The following NFIA variants were observed in gnomAD, a reference collection of about 807,000 sequenced individuals.
NFIA encodes the protein nuclear factor 1 A-type.
In NFIA, 8 loss-of-function variants were observed where a neutral mutation model predicts 62.8. The ratio of observed to expected loss-of-function variants is 0.13; its 90% CI spans 0.07 to 0.23. NFIA has a LOEUF of 0.23. NFIA is among the 10% of genes least tolerant of loss of function. The pLI, the probability that NFIA is intolerant of heterozygous loss-of-function variation, is 1.00. For missense variants in NFIA, 410 were observed against 642.1 expected (o/e 0.64, Z 3.91); for synonymous variants, 235 against 238.1 (o/e 0.99, Z 0.12).
chr1:61,123,236 A>G (rs1646916698), intron 2 of NFIA, among the ~76,000 whole-genome samples: 1 of 152,214 alleles, frequency 6.6e-6, no homozygotes, highest in Non-Finnish European at 1.5e-5. Context: ...GGAAACCTGC[A>G]TAGTGAGGCT....
rs569591146 is a variant in NFIA at position 61,334,320 on chromosome 1, T to C, written c.700+1734T>C. 2.6e-5 allele frequency among the ~76,000 whole-genome samples: 4 copies of C among 152,004 alleles called. No homozygotes were observed. In the East Asian group the frequency reaches 5.8e-4, roughly 22 times the overall value. On this transcript the variant is annotated intron_variant, in intron 4 of 10. Coordinates refer to ENST00000403491, the MANE Select transcript of NFIA (RefSeq NM_001134673.4). ...GTACTTAAAGTACCAACCGGTTAAG[T>C]AGACACTACATTGCCTTGTTAAGCT...
chr1:61,415,302 A>C (rs1012888575), intron 9 of NFIA, among the ~76,000 whole-genome samples: 1 of 152,198 alleles, frequency 6.6e-6, no homozygotes, highest in African/African-American at 2.4e-5. Context: ...ATACTATTGG[A>C]GTAAAGAAGG....
upstream of NFIA, chr1:61,077,446 TA>T (rs999345708): frequency 8.2e-3 from 3,408 of 414,250 alleles, no homozygotes; most frequent in South Asian, 0.011. Flanking sequence ...GATTTGGAGT[TA>T]AAAAAAAAAT....
intron 2 of NFIA, among the ~76,000 whole-genome samples, chr1:61,155,130 TATCATC>T (rs1269199144): frequency 6.6e-6 from 1 of 152,208 alleles, no homozygotes. Context: ...ACAAAGGATT[TATCATC>T]ATATTGGTTA....
intron 2 of NFIA, among the ~76,000 whole-genome samples, chr1:61,188,354 G>A (rs184369592): frequency 2.8e-4 from 42 of 152,134 alleles, no homozygotes; most frequent in Non-Finnish European, 1.3e-4. Context: ...TAGCCCCTCC[G>A]AGCTCAACAA....
At chr1:61,446,569 G>A (rs1253172895) in intron 10 of NFIA, among the ~76,000 whole-genome samples, 4 of 152,206 alleles carry the variant, frequency 2.6e-5, no homozygotes, top group Non-Finnish European at 4.4e-5. Context: ...GGGCTTGAGC[G>A]TGGAAGTGCC....
intron 2 of NFIA, among the ~76,000 whole-genome samples, chr1:61,196,775 A>G (rs1234660278): frequency 6.6e-6 from 1 of 152,174 alleles, no homozygotes; most frequent in East Asian, 1.9e-4. Context: ...TTTTGTTGAT[A>G]TCCAAAAATT....
chr1:61,200,066 A>ACGTATATATATG (rs1652363091), intron 2 of NFIA, among the ~76,000 whole-genome samples: 1 of 46,206 alleles, frequency 2.2e-5, no homozygotes, highest in African/African-American at 1.0e-4. Flanking sequence ...ATATATATAT[A>ACGTATATATATG]TGTATGTATG....
intron 2 of NFIA, among the ~76,000 whole-genome samples, chr1:61,204,868 CT>C (rs5774545): frequency 6.6e-6 from 1 of 152,032 alleles, no homozygotes; most frequent in East Asian, 1.9e-4. Context: ...TTAGGTAGAG[CT>C]TTTTTCTCTA....
chr1:61,245,357 ATAAAG>A (rs1335441417), intron 2 of NFIA, among the ~76,000 whole-genome samples: 1 of 152,200 alleles, frequency 6.6e-6, no homozygotes, highest in Non-Finnish European at 1.5e-5. Context: ...TTCCATAAAT[ATAAAG>A]TAAATTTTCA....
At chr1:61,411,391 C>T (rs1176195378) in intron 9 of NFIA, among the ~76,000 whole-genome samples, 1 of 152,104 alleles carries the variant, frequency 6.6e-6, no homozygotes, top group East Asian at 1.9e-4. Context: ...ATAGACTGTG[C>T]CAGGTCTCTT....
Position 61,455,512 on chromosome 1 carries a change from G to GTT in NFIA, c.*192_*193insTT. 1 of 747,926 alleles carries GTT rather than the reference G, an allele frequency of 1.3e-6. No individual in the cohort carries two copies. Among genetic ancestry groups the GTT allele is most frequent in the Non-Finnish European group, 2.0e-6 (1 of 490,442 alleles). The allele number at this position is 747,926 out of a possible 1,614,324, so 46.3% of individuals were successfully genotyped here. ...AACAGCAAAGGCCATAACCTTTTGG[G>GTT]ATTTTTTTTTTTTTAAAATACTTTA... On this transcript the variant is annotated 3_prime_UTR_variant, in exon 11 of 11. Transcript: ENST00000403491.
intron 10 of NFIA, among the ~76,000 whole-genome samples, chr1:61,433,454 C>CT (rs377088662): frequency 0.039 from 5,713 of 146,390 alleles, 140 homozygotes; most frequent in African/African-American, 0.063. Context: ...TTGTTGGTTT[C>CT]TTTTTTTTTT....
chr1:61,277,790 C>G (rs879718435), intron 3 of NFIA, among the ~76,000 whole-genome samples: 2 of 152,054 alleles, frequency 1.3e-5, no homozygotes, highest in African/African-American at 2.4e-5. Context: ...GACCCCCGGC[C>G]CTAAACACTA....
intron 3 of NFIA, among the ~76,000 whole-genome samples, chr1:61,298,168 C>A (rs1298378716): frequency 1.3e-5 from 2 of 152,034 alleles, no homozygotes; most frequent in African/African-American, 4.8e-5. Context: ...CCACGTTGTT[C>A]CCATAATAGT....
At chr1:61,175,041 CA>C (rs1650234500) in intron 2 of NFIA, among the ~76,000 whole-genome samples, 1 of 152,034 alleles carries the variant, frequency 6.6e-6, no homozygotes, top group Non-Finnish European at 1.5e-5. Flanking sequence ...AACAAAAAAA[CA>C]CATCTCAAAC....
intron 3 of NFIA, among the ~76,000 whole-genome samples, chr1:61,318,735 G>A (rs766835531): frequency 3.3e-5 from 5 of 152,202 alleles, no homozygotes; most frequent in African/African-American, 4.8e-5. Flanking sequence ...GATGGAGGCA[G>A]ATGACCCATG....
intron 2 of NFIA, among the ~76,000 whole-genome samples, chr1:61,198,980 G>A (rs556992846): frequency 3.9e-5 from 6 of 152,226 alleles, no homozygotes; most frequent in East Asian, 3.9e-4. Context: ...GTTGGAAAAC[G>A]GCCTTTGCCC....
intron 10 of NFIA, among the ~76,000 whole-genome samples, chr1:61,436,788 A>G (rs555013319): frequency 6.6e-6 from 1 of 152,300 alleles, no homozygotes; most frequent in African/African-American, 2.4e-5. Flanking sequence ...ACCTCCCCCA[A>G]AATATTTGCA....
Sources: gnomAD v4.1 joint callset for allele counts (sites outside exome capture counted in the v4.1 genomes callset) on GRCh38, gnomAD v4.1.1 for gene constraint, MANE v1.5 for transcripts, NCBI Gene and HGNC (gene_info 2026-07-23, HGNC 2026-07-21) for gene names.